RAPGEF1: variants seen among roughly 807,000 people sequenced by gnomAD.
RAPGEF1 encodes CRK SH3-binding GNRP.
RAPGEF1 carries 33 observed loss-of-function variants against 143.3 expected under a neutral mutation model. That is an observed-to-expected ratio of 0.23 (90% CI 0.17 to 0.31). RAPGEF1 has a LOEUF of 0.31. RAPGEF1 is among the 10% of genes least tolerant of loss of function. The probability of loss-of-function intolerance (pLI) is 1.00; values close to 1 mark genes in which losing one functional copy is unlikely to be tolerated. For missense variants in RAPGEF1, 1,199 were observed against 1,645.4 expected (o/e 0.73, Z 4.69); for synonymous variants, 629 against 676.5 (o/e 0.93, Z 1.09).
At chr9:131,737,597 G>T (rs1299605214) in intron 1 of RAPGEF1, 6 of 1,489,878 alleles carry the variant, frequency 4.0e-6, no homozygotes, top group Non-Finnish European at 5.4e-6. Flanking sequence ...AAATAGCAGA[G>T]AACTCAAATG....
At chr9:131,733,383 G>A (rs1190475585) in intron 1 of RAPGEF1, among the ~76,000 whole-genome samples, 2 of 130,454 alleles carry the variant, frequency 1.5e-5, no homozygotes, top group Non-Finnish European at 3.3e-5. Context: ...GGGGTGGTGC[G>A]GGGTTGGCGG....
At chr9:131,664,645 C>T (rs11243468) in intron 1 of RAPGEF1, among the ~76,000 whole-genome samples, 5,437 of 152,202 alleles carry the variant, frequency 0.036, 210 homozygotes, top group East Asian at 0.089. Context: ...AATTGCTACA[C>T]GAATATCATT....
chr9:131,580,263 G>T lies in RAPGEF1; in HGVS notation c.3641C>A (p.Ala1214Glu), dbSNP rs764842655. The T allele has an allele frequency of 6.2e-7, 1 of 1,613,836 alleles. No individual in the cohort carries two copies. Among genetic ancestry groups the T allele is most frequent in the Admixed American group, 1.7e-5 (1 of 60,026 alleles). Residue 1214 changes from alanine to glutamate, a missense_variant and splice_region_variant, in exon 26 of 27, where the codon GCG becomes GAG. This residue lies in a region of RAPGEF1 where 67 missense variants were observed against 105.4 expected (regional missense o/e 0.64). Coordinates refer to ENST00000683357, the MANE Select transcript of RAPGEF1 (RefSeq NM_001377935.1). ...GTCCCCCCGGGGCAGTGGCACTCAC[G>T]CCTGCTGGAAGCAGCGCATGCTGTC... ...ILDSMRCFQQ[A>E]HYDMRRNDDI...
chr9:131,654,453 G>A (rs1196414404), intron 1 of RAPGEF1, among the ~76,000 whole-genome samples: 2 of 152,182 alleles, frequency 1.3e-5, no homozygotes, highest in Non-Finnish European at 2.9e-5. Context: ...GTTCATGCCT[G>A]TAATTCCAGC....
At chr9:131,632,084 G>A (rs1011187924) in intron 5 of RAPGEF1, among the ~76,000 whole-genome samples, 6 of 152,052 alleles carry the variant, frequency 3.9e-5, no homozygotes, top group African/African-American at 1.4e-4. Flanking sequence ...GCACTGAACT[G>A]TAATCACACT....
intron 10 of RAPGEF1, among the ~76,000 whole-genome samples, chr9:131,622,310 T>G (rs759416034): frequency 5.3e-5 from 8 of 152,142 alleles, no homozygotes; most frequent in African/African-American, 1.2e-4. Flanking sequence ...GCAGGCACTT[T>G]CCCCTCGAGG....
chr9:131,731,484 T>C (rs1221952986), intron 1 of RAPGEF1, among the ~76,000 whole-genome samples: 4 of 152,230 alleles, frequency 2.6e-5, no homozygotes, highest in Admixed American at 6.5e-5. Context: ...TAAGTGGCTA[T>C]TTAACACGGT....
At chr9:131,639,730 C>CA (rs929313082) in intron 4 of RAPGEF1, among the ~76,000 whole-genome samples, 26 of 151,526 alleles carry the variant, frequency 1.7e-4, no homozygotes, top group African/African-American at 6.0e-4. Context: ...ACACAAAAAA[C>CA]AAAAAAACAC....
rs1967933772 is a variant in RAPGEF1 at position 131,641,391 on chromosome 9, T to C, written c.494+1848A>G. On this transcript the variant is annotated intron_variant, in intron 4 of 26. Transcript: ENST00000683357. The surrounding 1 kb of genome is among the most constrained non-coding windows in gnomAD (Gnocchi z 4.6). ...CCCAGTGGCCTCAGTTCCTTTGCTCTTGTTCTCCTGCCCCCACTGCCAATC... is the reference window on the plus strand; with the variant it reads ...CCCAGTGGCCTCAGTTCCTTTGCTCCTGTTCTCCTGCCCCCACTGCCAATC... 6.6e-6 allele frequency among the ~76,000 whole-genome samples: 1 copy of C among 152,174 alleles called. No homozygotes were observed. The highest frequency in any genetic ancestry group is 2.1e-4 in the South Asian group (1 of 4,824).
intron 1 of RAPGEF1, chr9:131,709,906 A>G: frequency 1.0e-6 from 1 of 985,418 alleles, no homozygotes; most frequent in Non-Finnish European, 1.2e-6. Context: ...AATCAGAAGA[A>G]AGGGCTTGTT....
intron 12 of RAPGEF1, among the ~76,000 whole-genome samples, chr9:131,613,606 T>C (rs1175016246): frequency 2.0e-5 from 3 of 151,900 alleles, no homozygotes; most frequent in Non-Finnish European, 4.4e-5. Context: ...CAGCAAGACA[T>C]GGTGGGATTG....
rs1391803240 is a variant in RAPGEF1, at chr9:131,584,869, A to C, written c.3234-273T>G. Among the ~76,000 whole-genome samples, 1 of 152,228 alleles carries C rather than the reference A, an allele frequency of 6.6e-6. No individual in the cohort carries two copies. The highest frequency in any genetic ancestry group is 6.5e-5 in the Admixed American group (1 of 15,280). ...GGCCCAAAGGGGGCTTCGAATCTGC[A>C]GGTGGAGCATGGGAGGATGAAAGCA... On this transcript the variant is annotated intron_variant, in intron 22 of 26. Coordinates refer to ENST00000683357, the MANE Select transcript of RAPGEF1 (RefSeq NM_001377935.1). This position sits in a 1 kb window ranked among gnomAD's most constrained non-coding sequence, Gnocchi z 6.8.
At chr9:131,602,806 G>T (rs967934937) in intron 14 of RAPGEF1, among the ~76,000 whole-genome samples, 3 of 152,074 alleles carry the variant, frequency 2.0e-5, no homozygotes, top group Non-Finnish European at 4.4e-5. Context: ...GGGTCCCTGG[G>T]CTGGCCCTAC....
chr9:131,587,693 C>T (rs747131359), intron 22 of RAPGEF1, 43 bp downstream of exon 22: 11 of 1,577,314 alleles, frequency 7.0e-6, no homozygotes, highest in African/African-American at 1.3e-5. Context: ...CCCAGACGTG[C>T]CACCATCCAG....
chr9:131,724,606 A>AT (rs1454100616), intron 1 of RAPGEF1, among the ~76,000 whole-genome samples: 1 of 152,222 alleles, frequency 6.6e-6, no homozygotes, highest in Non-Finnish European at 1.5e-5. Flanking sequence ...GAAAAAAAAA[A>AT]GTCCACTCCT....
At chr9:131,620,635 T>G (rs1042904184) in intron 11 of RAPGEF1, among the ~76,000 whole-genome samples, 1 of 152,196 alleles carries the variant, frequency 6.6e-6, no homozygotes, top group African/African-American at 2.4e-5. Context: ...ACTCCAAGCT[T>G]GGCCTTTCCT....
At chr9:131,631,694 C>T (rs1435000325) in intron 5 of RAPGEF1, among the ~76,000 whole-genome samples, 1 of 152,150 alleles carries the variant, frequency 6.6e-6, no homozygotes, top group Non-Finnish European at 1.5e-5. Context: ...GCACCACACA[C>T]AAAAAAGGCA....
chr9:131,622,095 C>T, intron 10 of RAPGEF1, 97 bp from the exon 11 acceptor site: 1 of 1,170,914 alleles, frequency 8.5e-7, no homozygotes, highest in Non-Finnish European at 1.2e-6. Context: ...GGGCTTTCCA[C>T]TGAAAGCACC....
intron 1 of RAPGEF1, among the ~76,000 whole-genome samples, chr9:131,724,163 G>A (rs1268279493): frequency 2.6e-5 from 4 of 152,148 alleles, no homozygotes; most frequent in African/African-American, 9.7e-5. Context: ...TCCTCACTCA[G>A]GTAACTCATC....
Sources: gnomAD v4.1 joint callset for allele counts (sites outside exome capture counted in the v4.1 genomes callset) on GRCh38, gnomAD v4.1.1 for gene constraint, gnomAD v4.1.1 regional missense constraint, Gnocchi (gnomAD v3.1) non-coding constraint, MANE v1.5 for transcripts, NCBI Gene and HGNC (gene_info 2026-07-23, HGNC 2026-07-21) for gene names.